The following RXFP2 variants were observed in gnomAD, a reference collection of about 807,000 sequenced individuals.
The protein encoded by RXFP2 is relaxin receptor 2.
Under a neutral mutation model 88.6 loss-of-function variants are expected in RXFP2, and 68 were observed. The ratio of observed to expected loss-of-function variants is 0.77; its 90% CI spans 0.63 to 0.94. The LOEUF is 0.94. Ranked by LOEUF, RXFP2 falls within the 40% of genes least tolerant of loss-of-function variation. The pLI, the probability that RXFP2 is intolerant of heterozygous loss-of-function variation, is 0.00. For missense variants in RXFP2, 791 were observed against 893.9 expected, an observed-to-expected ratio of 0.88 and a Z score of 1.47; for synonymous variants, 329 against 306.8, an observed-to-expected ratio of 1.07 and a Z score of -0.76.
rs545238226 is a variant in RXFP2, at chr13:31,771,520, G to A, written c.498-3100G>A. ...TCCATAGAAAAATTGGCCAGGCACAGTGGCTCAAGCCTGTAATCCCAGCAC... is the reference window on the plus strand; with the variant it reads ...TCCATAGAAAAATTGGCCAGGCACAATGGCTCAAGCCTGTAATCCCAGCAC... On this transcript the variant is annotated intron_variant, in intron 5 of 17. Transcript: ENST00000298386. 2.0e-5 allele frequency among the ~76,000 whole-genome samples: 3 copies of A among 152,326 alleles called. No homozygotes were observed. The South Asian group carries it at 6.2e-4, about 32-fold the overall frequency.
rs573552131 is a variant in RXFP2 at position 31,755,281 on chromosome 13, C to T, written c.95-2977C>T. Reference sequence around the variant, plus strand: ...GAAATCAACTTAGAGGCATGTGATCCCTTCTCAACTGAATAAGATAGAATA... The same window carrying T: ...GAAATCAACTTAGAGGCATGTGATCTCTTCTCAACTGAATAAGATAGAATA... On this transcript the variant is annotated intron_variant, in intron 1 of 17. Transcript: ENST00000298386. 3.3e-5 allele frequency among the ~76,000 whole-genome samples: 5 copies of T among 152,204 alleles called. No individual in the cohort carries two copies. In the South Asian group the frequency reaches 1.0e-3, roughly 32 times the overall value.
rs1271480938 is a variant in RXFP2, at chr13:31,778,550, A to C, written c.752A>C (p.Gln251Pro). The C allele has an allele frequency of 6.2e-7, 1 of 1,611,994 alleles. No homozygotes were observed. The highest frequency in any genetic ancestry group is 8.5e-7 in the Non-Finnish European group (1 of 1,178,312). The change falls in exon 9 of 18, where the codon CAG (glutamine) becomes CCG (proline). Residue 251 changes from glutamine to proline, a missense_variant. Transcript: ENST00000298386. The part of the protein sequence containing the change: ...VNNYLEALPK[Q>P]MCAQMPQLNW... ...AACTACTTAGAAGCTCTTCCCAAGC[A>C]GATGTGTGCCCAAATGCCTCAACTC... is the stretch of plus-strand genomic sequence containing the variant.
At chr13:31,791,710 T>C in intron 14 of RXFP2, 96 bp from the exon 15 acceptor site, 1 of 838,264 alleles carries the variant, frequency 1.2e-6, no homozygotes, top group South Asian at 1.4e-5. Flanking sequence ...CTAGTGAAGT[T>C]GTATACCTAG....
intron 5 of RXFP2, among the ~76,000 whole-genome samples, chr13:31,771,653 A>T (rs1287392074): frequency 6.6e-6 from 1 of 152,054 alleles, no homozygotes; most frequent in Non-Finnish European, 1.5e-5. Flanking sequence ...TTAGCTGGGC[A>T]TGGTGGCGTG....
At chr13:31,801,197 G>A (rs1340006743) in intron 17 of RXFP2, among the ~76,000 whole-genome samples, 1 of 152,148 alleles carries the variant, frequency 6.6e-6, no homozygotes, top group East Asian at 1.9e-4. Flanking sequence ...AAAGCATCAT[G>A]GGTCTTACTA....
chr13:31,778,724 A>G, intron 9 of RXFP2, 141 bp downstream of exon 9: 2 of 767,398 alleles, frequency 2.6e-6, no homozygotes, highest in Non-Finnish European at 4.7e-6. Context: ...TCCCAGTTTC[A>G]AAATTATTTG....
intron 9 of RXFP2, among the ~76,000 whole-genome samples, chr13:31,780,746 C>A (rs7335707): frequency 1.3e-5 from 2 of 152,122 alleles, no homozygotes; most frequent in Admixed American, 1.3e-4. Flanking sequence ...GCGCTGTCCA[C>A]GTATGTGGGA....
chr13:31,795,587 AT>A (rs891003312), intron 16 of RXFP2, among the ~76,000 whole-genome samples: 16 of 152,268 alleles, frequency 1.1e-4, no homozygotes, highest in Admixed American at 3.3e-4. Flanking sequence ...GTTTTATAAA[AT>A]TTTACCGTAT....
intron 1 of RXFP2, among the ~76,000 whole-genome samples, chr13:31,749,282 T>C (rs567976868): frequency 7.0e-4 from 106 of 152,342 alleles, no homozygotes; most frequent in Admixed American, 2.3e-3. Flanking sequence ...TTCTATTCTG[T>C]TCCATTGGTC....
rs752772059 is a variant in RXFP2, at chr13:31,789,173, C to T, written c.1125C>T (p.Pro375=). 1.1e-5 allele frequency: 17 copies of T among 1,606,618 alleles called. No homozygotes were observed. Among genetic ancestry groups the T allele is most frequent in the Non-Finnish European group, 1.4e-5 (17 of 1,174,376 alleles). ...IPNINTRMFQ[P]MKNLSHIYFK... ...ATATAAACACACGAATGTTTCAACC[C>T]ATGAAGAATCTTTCTCACATGTACG... is the stretch of plus-strand genomic sequence containing the variant. Residue 375 remains proline (P), a synonymous_variant, in exon 14 of 18, where the codon CCC becomes CCT. Transcript: ENST00000298386.
At chr13:31,764,411 TCTG>T (rs67028634) in intron 3 of RXFP2, among the ~76,000 whole-genome samples, 22,624 of 152,178 alleles carry the variant, frequency 0.15, 1,641 homozygotes, top group Middle Eastern at 0.19. Context: ...TCTTCTTTCT[TCTG>T]AATGCTTCAG....
At position 31,758,345 on chromosome 13, in the gene RXFP2, G is replaced by A. The variant is rs770195978; in HGVS notation, c.182G>A (p.Arg61Gln). 12 of 1,613,968 alleles carry A rather than the reference G, an allele frequency of 7.4e-6. No individual in the cohort carries two copies. Among genetic ancestry groups the A allele is most frequent in the African/African-American group, 5.3e-5 (4 of 74,888 alleles). Residue 61 changes from arginine to glutamine, a missense_variant, in exon 2 of 18, where the codon CGA becomes CAA. Arg to Gln is a conservative substitution (Grantham distance 43). Coordinates refer to ENST00000298386, the MANE Select transcript of RXFP2 (RefSeq NM_130806.5). ...GGGAATCTTACCAAGTGCTTACCCCGAGCTTTTCACTGTGATGGCAAGGAT... is the reference window on the plus strand; with the variant it reads ...GGGAATCTTACCAAGTGCTTACCCCAAGCTTTTCACTGTGATGGCAAGGAT... ...PCGNLTKCLP[R>Q]AFHCDGKDDC...
intron 11 of RXFP2, among the ~76,000 whole-genome samples, chr13:31,785,611 G>A (rs1269849828): frequency 6.6e-6 from 1 of 151,536 alleles, no homozygotes; most frequent in Non-Finnish European, 1.5e-5. Flanking sequence ...CTAAGTCATA[G>A]TTATTTGTAA....
chr13:31,748,796 C>T (rs1871535851), intron 1 of RXFP2, among the ~76,000 whole-genome samples: 1 of 151,994 alleles, frequency 6.6e-6, no homozygotes. Context: ...ACCTACCTGG[C>T]CAACATGGTG....
intron 1 of RXFP2, among the ~76,000 whole-genome samples, chr13:31,749,254 T>A (rs1871560456): frequency 6.6e-6 from 1 of 152,206 alleles, no homozygotes. Context: ...TACATATGTG[T>A]CTGTCTTCTT....
intron 6 of RXFP2, among the ~76,000 whole-genome samples, chr13:31,775,032 C>G (rs990097668): frequency 2.6e-5 from 4 of 152,132 alleles, no homozygotes; most frequent in African/African-American, 9.7e-5. Flanking sequence ...GCAAAAATTG[C>G]CCCACATACT....
chr13:31,788,312 G>A (rs1384728073), intron 13 of RXFP2, among the ~76,000 whole-genome samples: 5 of 151,978 alleles, frequency 3.3e-5, no homozygotes, highest in East Asian at 1.9e-4. Flanking sequence ...ATCTTTATTC[G>A]GATTAGTCAA....
chr13:31,756,170 G>A (rs910008282), intron 1 of RXFP2, among the ~76,000 whole-genome samples: 1 of 152,196 alleles, frequency 6.6e-6, no homozygotes, highest in Non-Finnish European at 1.5e-5. Flanking sequence ...TTGTTAATGA[G>A]AGCAGCAGGT....
In RXFP2 at chr13:31,801,777, G is replaced by A. The variant is rs117598191; in HGVS notation, c.2006-369G>A. 1.1e-3 allele frequency among the ~76,000 whole-genome samples: 170 copies of A among 152,286 alleles called. 3 individuals are homozygous for A. The East Asian group carries it at 0.027, about 25-fold the overall frequency. On this transcript the variant is annotated intron_variant, in intron 17 of 17. Transcript: ENST00000298386. ...TCTGGCTTGGTCCAGGGGACCAGAA[G>A]TTTTGTGAACCTCACTCTATTGACT...
Sources: gnomAD v4.1 joint callset for allele counts (sites outside exome capture counted in the v4.1 genomes callset) on GRCh38, gnomAD v4.1.1 for gene constraint, MANE v1.5 for transcripts, NCBI Gene and HGNC (gene_info 2026-07-23, HGNC 2026-07-21) for gene names.